The following RIMBP2 variants were observed in gnomAD, a reference collection of about 807,000 sequenced individuals.
RIMBP2 encodes the protein RIMS binding protein 2, also known as RIMS-binding protein 2.
A neutral mutation model predicts 118.6 loss-of-function variants in RIMBP2; 48 were observed. That is an observed-to-expected ratio of 0.40 (90% confidence interval 0.32 to 0.51). RIMBP2 has a LOEUF of 0.51. Among genes scored for constraint, RIMBP2 ranks in the 20% least tolerant of loss-of-function variants. The probability of loss-of-function intolerance (pLI) is 0.41; values close to 1 mark genes in which losing one functional copy is unlikely to be tolerated. For missense variants in RIMBP2, 1,551 were observed against 1,768.3 expected (o/e 0.88, Z 2.20); for synonymous variants, 762 against 742.9 (o/e 1.03, Z -0.42).
chr12:130,685,625 A>G (rs1258848972), intron 1 of RIMBP2, among the ~76,000 whole-genome samples: 1 of 152,128 alleles, frequency 6.6e-6, no homozygotes, highest in Admixed American at 6.5e-5. Flanking sequence ...GCCGTGGCTC[A>G]TGGCAATGCT....
At chr12:130,495,973 G>T (rs12312714) in intron 4 of RIMBP2, among the ~76,000 whole-genome samples, 6,959 of 152,302 alleles carry the variant, frequency 0.046, 394 homozygotes, top group East Asian at 0.18. Flanking sequence ...ATGCTACTGA[G>T]ATCAACGGGA....
intron 1 of RIMBP2, among the ~76,000 whole-genome samples, chr12:130,694,606 G>A (rs1030870105): frequency 1.3e-5 from 2 of 152,132 alleles, no homozygotes; most frequent in Non-Finnish European, 2.9e-5. Flanking sequence ...TCCTTTCCAC[G>A]GCCCTCCCGT....
chr12:130,477,655 A>AT (rs1312187980), intron 5 of RIMBP2, among the ~76,000 whole-genome samples: 22 of 152,254 alleles, frequency 1.4e-4, no homozygotes, highest in African/African-American at 5.1e-4. Context: ...GCTTAGAGAA[A>AT]TGGCATCAGA....
At chr12:130,510,479 T>C (rs939802888) in intron 3 of RIMBP2, among the ~76,000 whole-genome samples, 24 of 151,918 alleles carry the variant, frequency 1.6e-4, no homozygotes, top group African/African-American at 5.6e-4. Flanking sequence ...TACTCTTTCT[T>C]TTTTTTTGAG....
chr12:130,499,256 T>C (rs573413133), intron 4 of RIMBP2, among the ~76,000 whole-genome samples: 3 of 152,284 alleles, frequency 2.0e-5, no homozygotes, highest in African/African-American at 7.2e-5. Flanking sequence ...AGAACTACAA[T>C]TCAACATGAG....
chr12:130,583,987 GTCACCACCATTACATCACCA>G (rs1415896179), intron 2 of RIMBP2, among the ~76,000 whole-genome samples: 8 of 130,154 alleles, frequency 6.1e-5, no homozygotes, highest in Admixed American at 1.6e-4. Context: ...CATCATCACC[GTCACCACCATTACATCACCA>G]TCACCACCAT....
intron 18 of RIMBP2, 147 bp from the exon 19 acceptor site, chr12:130,412,934 G>A (rs1312988200): frequency 1.1e-5 from 8 of 732,324 alleles, no homozygotes; most frequent in South Asian, 2.3e-5. Flanking sequence ...GGTCACCCAC[G>A]TGTGTGCTGT....
At chr12:130,489,790 A>G (rs1347380081) in intron 4 of RIMBP2, among the ~76,000 whole-genome samples, 1 of 152,336 alleles carries the variant, frequency 6.6e-6, no homozygotes, top group East Asian at 1.9e-4. Context: ...TCTGACCGGT[A>G]GACTGAAGGA....
intron 17 of RIMBP2, among the ~76,000 whole-genome samples, chr12:130,416,150 C>T (rs11060877): frequency 0.32 from 48,875 of 152,034 alleles, 8,301 homozygotes; most frequent in African/African-American, 0.44. Flanking sequence ...CCATATTGCC[C>T]AATGCAACCT....
intron 3 of RIMBP2, among the ~76,000 whole-genome samples, chr12:130,512,266 C>T (rs1241951777): frequency 6.6e-6 from 1 of 152,050 alleles, no homozygotes; most frequent in Non-Finnish European, 1.5e-5. Context: ...TCTGGCTGAG[C>T]ACAATATAGG....
chr12:130,606,378 A>G (rs972481093), intron 2 of RIMBP2, among the ~76,000 whole-genome samples: 32 of 152,172 alleles, frequency 2.1e-4, no homozygotes, highest in Admixed American at 2.0e-3. Flanking sequence ...AAAAGGAAGC[A>G]TGGGGTTTGC....
At chr12:130,690,663 A>C (rs1477929442) in intron 1 of RIMBP2, among the ~76,000 whole-genome samples, 2 of 152,186 alleles carry the variant, frequency 1.3e-5, no homozygotes, top group African/African-American at 4.8e-5. Context: ...CATAATCTTT[A>C]GGGCTAGCAG....
chr12:130,681,908 A>G (rs2136558779), intron 1 of RIMBP2, among the ~76,000 whole-genome samples: 1 of 152,150 alleles, frequency 6.6e-6, no homozygotes, highest in South Asian at 2.1e-4. Context: ...TGCTGGCCAG[A>G]CTAGTCTCGA....
intron 7 of RIMBP2, among the ~76,000 whole-genome samples, chr12:130,455,484 G>A (rs1593364520): frequency 6.6e-6 from 1 of 152,208 alleles, no homozygotes; most frequent in Non-Finnish European, 1.5e-5. Context: ...CAGAGCGCTC[G>A]GACCCTGGTC....
rs780097970 is a variant in RIMBP2, at chr12:130,581,247, G to A, written c.-217+47075C>T. 2.0e-5 allele frequency among the ~76,000 whole-genome samples: 3 copies of A among 152,128 alleles called. No individual in the cohort carries two copies. Among genetic ancestry groups the A allele is most frequent in the Non-Finnish European group, 4.4e-5 (3 of 68,024 alleles). ...GCCCCGTGGTCCCAGGTCACACAGG[G>A]GTGTGCCGGGAGTCAGGTTCAAACA... On this transcript the variant is annotated intron_variant, in intron 2 of 22. Coordinates refer to ENST00000690449, the MANE Select transcript of RIMBP2 (RefSeq NM_001393629.1). The surrounding 1 kb of genome is among the most constrained non-coding windows in gnomAD (Gnocchi z 4.4).
chr12:130,575,480 C>T (rs915781486), intron 2 of RIMBP2, among the ~76,000 whole-genome samples: 3 of 152,114 alleles, frequency 2.0e-5, no homozygotes, highest in African/African-American at 7.2e-5. Flanking sequence ...GCCAAGTCCC[C>T]ATCAGTGAAC....
At position 130,441,051 on chromosome 12, in the gene RIMBP2, A is replaced by T. The variant is rs913388453; in HGVS notation, c.1504+797T>A. On this transcript the variant is annotated intron_variant, in intron 11 of 22. Coordinates refer to ENST00000690449, the MANE Select transcript of RIMBP2 (RefSeq NM_001393629.1). Reference sequence around the variant, plus strand: ...GTTTGAGCGGAGATAGCAGAAAAGAACACTGGAGTTCACATCGCGGCGAAA... The same window carrying T: ...GTTTGAGCGGAGATAGCAGAAAAGATCACTGGAGTTCACATCGCGGCGAAA... 5.3e-5 allele frequency among the ~76,000 whole-genome samples: 8 copies of T among 152,174 alleles called. No individual in the cohort carries two copies. In the East Asian group the frequency reaches 1.5e-3, roughly 29 times the overall value.
chr12:130,552,509 G>A (rs11060990), intron 2 of RIMBP2, among the ~76,000 whole-genome samples: 18,686 of 152,194 alleles, frequency 0.12, 1,462 homozygotes, highest in Non-Finnish European at 0.19. Flanking sequence ...ATGATAATGA[G>A]AGTGTTCTTT....
intron 6 of RIMBP2, 78 bp downstream of exon 6, chr12:130,470,615 A>G: frequency 2.5e-6 from 2 of 794,142 alleles, no homozygotes; most frequent in Non-Finnish European, 3.4e-6. Context: ...AACATCATCT[A>G]TTATTTCTAG....
Sources: allele counts gnomAD v4.1 joint callset (sites outside exome capture counted in the v4.1 genomes callset), GRCh38; gene constraint gnomAD v4.1.1; non-coding constraint Gnocchi (gnomAD v3.1); transcripts MANE v1.5; gene names NCBI Gene and HGNC (gene_info 2026-07-23, HGNC 2026-07-21).